Variants in TRAPPC9 observed in about 807,000 individuals in gnomAD.
The protein encoded by TRAPPC9 is trafficking protein particle complex subunit 9.
Under a neutral mutation model 124.0 loss-of-function variants are expected in TRAPPC9, and 83 were observed. The ratio of observed to expected loss-of-function variants is 0.67; its 90% CI spans 0.56 to 0.80. The LOEUF is 0.80. Ranked by LOEUF, TRAPPC9 falls within the 30% of genes least tolerant of loss-of-function variation. TRAPPC9 has a pLI of 0.00. For synonymous variants in TRAPPC9, 638 were observed against 617.5 expected (o/e 1.03, Z -0.49); for missense variants, 1,302 against 1,508.3 (o/e 0.86, Z 2.27).
intron 1 of TRAPPC9, 45 bp from the exon 2 acceptor site, chr8:140,451,428 G>C: frequency 6.6e-7 from 1 of 1,520,378 alleles, no homozygotes; most frequent in South Asian, 1.1e-5. Context: ...AGAGTCCTGA[G>C]TGCTGAGAGC....
At chr8:140,014,630 G>C (rs377012420) in intron 18 of TRAPPC9, among the ~76,000 whole-genome samples, 10 of 152,084 alleles carry the variant, frequency 6.6e-5, no homozygotes, top group African/African-American at 2.4e-4. Flanking sequence ...CCAAAGATAC[G>C]GCTCCTACAA....
At chr8:140,453,624 C>T (rs115932189) in intron 1 of TRAPPC9, among the ~76,000 whole-genome samples, 1,637 of 140,178 alleles carry the variant, frequency 0.012, 31 homozygotes, top group African/African-American at 0.039. Flanking sequence ...ACATGTCTTG[C>T]TTCTGCCCAG....
chr8:139,905,158 T>C (rs1237210012), intron 20 of TRAPPC9, among the ~76,000 whole-genome samples: 1 of 151,922 alleles, frequency 6.6e-6, no homozygotes, highest in African/African-American at 2.4e-5. Context: ...CTGCATGTAC[T>C]AGGAAGAGAT....
Position 140,224,627 on chromosome 8 carries a change from C to T in TRAPPC9, c.2432-3044G>A, listed in dbSNP as rs150492781. ...CTTTGAACCATGTCAGTCCCTGCAACTGGTAGGCCATTTTTCTACCAGAAT... is the reference window on the plus strand; with the variant it reads ...CTTTGAACCATGTCAGTCCCTGCAATTGGTAGGCCATTTTTCTACCAGAAT... On this transcript the variant is annotated intron_variant, in intron 16 of 22. Coordinates refer to ENST00000438773, the MANE Select transcript of TRAPPC9 (RefSeq NM_001160372.4). Among the ~76,000 whole-genome samples the T allele has an allele frequency of 2.2e-3, 338 of 151,756 alleles. 4 individuals carry two copies. Among genetic ancestry groups the T allele is most frequent in the African/African-American group, 5.5e-3 (228 of 41,496 alleles).
At position 139,788,463 on chromosome 8, in the gene TRAPPC9, G is replaced by T. The variant is rs1049468468; in HGVS notation, c.3056-56261C>A. On this transcript the variant is annotated intron_variant, in intron 21 of 22. Transcript: ENST00000438773. This position sits in a 1 kb window ranked among gnomAD's most constrained non-coding sequence, Gnocchi z 4.9. ...AGAGCGGGAGCTGCGGAGGATCCCAGCCTGGCCCTTCCTGGTGCCAGCACC... is the reference window on the plus strand; with the variant it reads ...AGAGCGGGAGCTGCGGAGGATCCCATCCTGGCCCTTCCTGGTGCCAGCACC... Among the ~76,000 whole-genome samples, 1 of 152,224 alleles carries T rather than the reference G, an allele frequency of 6.6e-6. No individual in the cohort carries two copies. Among genetic ancestry groups the T allele is most frequent in the Non-Finnish European group, 1.5e-5 (1 of 68,042 alleles).
chr8:140,220,176 C>T lies in TRAPPC9; in HGVS notation c.2556+1283G>A, dbSNP rs139132633. Among the ~76,000 whole-genome samples, 644 of 152,316 alleles carry T rather than the reference C, an allele frequency of 4.2e-3. 4 individuals are homozygous for T. Among genetic ancestry groups the T allele is most frequent in the African/African-American group, 0.015 (603 of 41,570 alleles). ...AAACAAGAAGAACAGCAACACGCAG[C>T]GCCAGGGGAGGGTGGTGGGGCTCAG... On this transcript the variant is annotated intron_variant, in intron 17 of 22. Coordinates refer to ENST00000438773, the MANE Select transcript of TRAPPC9 (RefSeq NM_001160372.4).
rs575619579 is a variant in TRAPPC9, at chr8:139,925,215, G to A, written c.2811-14915C>T. Among the ~76,000 whole-genome samples the A allele has an allele frequency of 3.4e-3, 519 of 152,266 alleles. 1 individual carries two copies. The highest frequency in any genetic ancestry group is 0.011 in the African/African-American group (468 of 41,546). On this transcript the variant is annotated intron_variant, in intron 19 of 22. Coordinates refer to ENST00000438773, the MANE Select transcript of TRAPPC9 (RefSeq NM_001160372.4). Reference sequence around the variant, plus strand: ...TCCCTCGACCTTTCCTCCACAGTGTGGAAAAAAATGCCCTGTTACAGAGCA... The same window carrying A: ...TCCCTCGACCTTTCCTCCACAGTGTAGAAAAAAATGCCCTGTTACAGAGCA...
At chr8:139,827,347 C>G (rs941789184) in intron 21 of TRAPPC9, among the ~76,000 whole-genome samples, 1 of 152,198 alleles carries the variant, frequency 6.6e-6, no homozygotes, top group Admixed American at 6.5e-5. Context: ...GCATGCAGGA[C>G]AGAGGAAGGC....
At chr8:139,814,096 C>G (rs75632359) in intron 21 of TRAPPC9, among the ~76,000 whole-genome samples, 8 of 152,214 alleles carry the variant, frequency 5.3e-5, no homozygotes, top group Non-Finnish European at 1.0e-4. Flanking sequence ...CCTCTGAGCT[C>G]GAAGCCCGGC....
intron 9 of TRAPPC9, among the ~76,000 whole-genome samples, chr8:140,330,397 C>T (rs1232515913): frequency 6.6e-6 from 1 of 152,134 alleles, no homozygotes; most frequent in African/African-American, 2.4e-5. Flanking sequence ...AAGGCATTTC[C>T]TTAACAGAGT....
chr8:140,405,777 GA>G (rs1384704296), intron 5 of TRAPPC9, 79 bp from the exon 6 acceptor site: 1 of 1,549,882 alleles, frequency 6.5e-7, no homozygotes, highest in African/African-American at 1.4e-5. Flanking sequence ...GCATGAATAA[GA>G]CAAAACTTAA....
In TRAPPC9 at chr8:139,827,138, C is replaced by T. The variant is rs117260229; in HGVS notation, c.3055+58741G>A. On this transcript the variant is annotated intron_variant, in intron 21 of 22. Coordinates refer to ENST00000438773, the MANE Select transcript of TRAPPC9 (RefSeq NM_001160372.4). ...AAAATGGGGAAGGGAAGGCACTTGC[C>T]CCACAGCTGTTGCAGAATGGTGAGC... Among the ~76,000 whole-genome samples, 15 of 152,304 alleles carry T rather than the reference C, an allele frequency of 9.8e-5. No individual in the cohort carries two copies. The East Asian group carries it at 1.7e-3, about 18-fold the overall frequency.
intron 15 of TRAPPC9, among the ~76,000 whole-genome samples, chr8:140,270,208 C>T (rs1034747669): frequency 2.0e-5 from 3 of 152,100 alleles, no homozygotes; most frequent in Non-Finnish European, 4.4e-5. Flanking sequence ...AAGGCCTCTC[C>T]GGGAAGGGGG....
chr8:140,065,304 C>T (rs990705245), intron 17 of TRAPPC9, among the ~76,000 whole-genome samples: 6 of 152,188 alleles, frequency 3.9e-5, no homozygotes, highest in Non-Finnish European at 8.8e-5. Flanking sequence ...AACATAAAAG[C>T]GCAATGTGAA....
intron 17 of TRAPPC9, among the ~76,000 whole-genome samples, chr8:140,126,191 G>A (rs1587761496): frequency 6.6e-6 from 1 of 152,250 alleles, no homozygotes; most frequent in African/African-American, 2.4e-5. Flanking sequence ...CAGATGAGGG[G>A]CAAAGCTGCT....
chr8:139,814,938 G>A (rs1022663724), intron 21 of TRAPPC9, among the ~76,000 whole-genome samples: 3 of 152,172 alleles, frequency 2.0e-5, no homozygotes, highest in African/African-American at 2.4e-5. Flanking sequence ...GCCGGGCACC[G>A]AGTTGATGCC....
At chr8:139,772,934 T>A (rs954847694) in intron 21 of TRAPPC9, among the ~76,000 whole-genome samples, 1 of 152,204 alleles carries the variant, frequency 6.6e-6, no homozygotes, top group Non-Finnish European at 1.5e-5. Flanking sequence ...CTGCCGACAT[T>A]TGCAAAGTGA....
chr8:140,012,222 CG>C (rs1241979695), intron 18 of TRAPPC9, among the ~76,000 whole-genome samples: 2 of 152,154 alleles, frequency 1.3e-5, no homozygotes, highest in East Asian at 3.9e-4. Flanking sequence ...TAAGGCAATG[CG>C]GGGCTCAGAG....
rs192811985 is a variant in TRAPPC9, at chr8:139,772,879, C to G, written c.3056-40677G>C. Among the ~76,000 whole-genome samples, 1,147 of 152,376 alleles carry G rather than the reference C, an allele frequency of 7.5e-3. 5 individuals are homozygous for G. Among genetic ancestry groups the G allele is most frequent in the Admixed American group, 0.017 (258 of 15,306 alleles). On this transcript the variant is annotated intron_variant, in intron 21 of 22. Coordinates refer to ENST00000438773, the MANE Select transcript of TRAPPC9 (RefSeq NM_001160372.4). ...ACAGAGGGAAGACACAGGAAGAAGG[C>G]AGCCGTCTACAGGCCAAGGAGTGAG...
Sources: gnomAD v4.1 joint callset for allele counts (sites outside exome capture counted in the v4.1 genomes callset) on GRCh38, gnomAD v4.1.1 for gene constraint, Gnocchi (gnomAD v3.1) non-coding constraint, MANE v1.5 for transcripts, NCBI Gene and HGNC (gene_info 2026-07-23, HGNC 2026-07-21) for gene names.